CYRIB: variants seen among roughly 807,000 people sequenced by gnomAD.
The protein encoded by CYRIB is CYFIP-related Rac1 interactor B.
Under a neutral mutation model 44.2 loss-of-function variants are expected in CYRIB, and 8 were observed. That is an observed-to-expected ratio of 0.18 (90% CI 0.11 to 0.33). CYRIB has a LOEUF of 0.33. Ranked by LOEUF, CYRIB falls within the 10% of genes least tolerant of loss-of-function variation. The pLI is 1.00. For synonymous variants in CYRIB, 131 were observed against 127.2 expected, an observed-to-expected ratio of 1.03 and a Z score of -0.20; for missense variants, 185 against 382.8, an observed-to-expected ratio of 0.48 and a Z score of 4.31.
At chr8:129,862,909 A>C (rs2050726507) in intron 4 of CYRIB, among the ~76,000 whole-genome samples, 3 of 152,160 alleles carry the variant, frequency 2.0e-5, no homozygotes, top group Admixed American at 2.0e-4. Context: ...AACATAATAC[A>C]TTCTTAGTTA....
At chr8:129,876,393 T>C (rs752165511) in intron 3 of CYRIB, among the ~76,000 whole-genome samples, 89 of 152,118 alleles carry the variant, frequency 5.9e-4, no homozygotes, top group Non-Finnish European at 9.3e-4. Flanking sequence ...AACAAAATTA[T>C]GAGCTTTCGT....
At chr8:129,886,123 T>C (rs1015657424) in intron 2 of CYRIB, among the ~76,000 whole-genome samples, 5 of 152,186 alleles carry the variant, frequency 3.3e-5, no homozygotes. Context: ...ATAGCAAGAC[T>C]TGTCAAATGA....
At chr8:129,945,255 T>C (rs2094052710) in intron 2 of CYRIB, among the ~76,000 whole-genome samples, 1 of 152,246 alleles carries the variant, frequency 6.6e-6, no homozygotes, top group Non-Finnish European at 1.5e-5. Flanking sequence ...CATTTGTTCA[T>C]TCATGTGTTC....
chr8:129,856,177 A>G (rs537461782), intron 5 of CYRIB, among the ~76,000 whole-genome samples: 69 of 152,238 alleles, frequency 4.5e-4, no homozygotes, highest in Non-Finnish European at 8.2e-4. Flanking sequence ...CCTATGAATC[A>G]ATTACCAATT....
chr8:129,997,917 T>A (rs2096813607), intron 1 of CYRIB, among the ~76,000 whole-genome samples: 1 of 151,838 alleles, frequency 6.6e-6, no homozygotes, highest in Admixed American at 6.6e-5. Flanking sequence ...GGTCAAGAGA[T>A]CGAGACCATC....
At chr8:130,011,542 GCA>G (rs1300359037) in intron 1 of CYRIB, among the ~76,000 whole-genome samples, 5 of 151,744 alleles carry the variant, frequency 3.3e-5, no homozygotes, top group Non-Finnish European at 4.4e-5. Flanking sequence ...ATTAGGCTGG[GCA>G]TGGTGGCTCA....
chr8:129,928,396 A>G (rs1165403277), intron 1 of CYRIB, among the ~76,000 whole-genome samples: 1 of 152,036 alleles, frequency 6.6e-6, no homozygotes, highest in Non-Finnish European at 1.5e-5. Flanking sequence ...CACATAATGT[A>G]TCTGACAAAG....
chr8:130,012,187 G>A (rs1162865902), intron 1 of CYRIB, among the ~76,000 whole-genome samples: 2 of 151,956 alleles, frequency 1.3e-5, no homozygotes, highest in Non-Finnish European at 2.9e-5. Context: ...CAGCTAGTAA[G>A]TCCTCCAAAA....
intron 2 of CYRIB, among the ~76,000 whole-genome samples, chr8:129,949,737 G>A (rs925606590): frequency 6.6e-6 from 1 of 152,032 alleles, no homozygotes; most frequent in South Asian, 2.1e-4. Flanking sequence ...AATTAGCAGG[G>A]CGTGGTGGTG....
At chr8:129,909,185 C>T (rs1026872241) in intron 1 of CYRIB, among the ~76,000 whole-genome samples, 6 of 152,012 alleles carry the variant, frequency 3.9e-5, no homozygotes, top group South Asian at 2.1e-4. Flanking sequence ...TTAATTACCT[C>T]CAGGAAAAAG....
intron 1 of CYRIB, among the ~76,000 whole-genome samples, chr8:129,987,345 G>A (rs2096491992): frequency 1.3e-5 from 2 of 152,074 alleles, no homozygotes; most frequent in Admixed American, 1.3e-4. Flanking sequence ...ATGTTCTGCG[G>A]GTTAATGAGA....
chr8:129,910,516 G>A (rs1349673352), intron 1 of CYRIB, among the ~76,000 whole-genome samples: 1 of 146,740 alleles, frequency 6.8e-6, no homozygotes, highest in African/African-American at 2.5e-5. Context: ...AAGAGACAAG[G>A]GCCAGGTGCA....
intron 1 of CYRIB, among the ~76,000 whole-genome samples, chr8:130,005,024 C>T (rs1357958718): frequency 2.0e-5 from 3 of 152,168 alleles, no homozygotes; most frequent in African/African-American, 7.2e-5. Context: ...GCCTCAGCCT[C>T]CCAAAGTGCT....
At chr8:129,937,887 C>T (rs2093087709) in intron 1 of CYRIB, among the ~76,000 whole-genome samples, 1 of 151,088 alleles carries the variant, frequency 6.6e-6, no homozygotes, top group Non-Finnish European at 1.5e-5. Flanking sequence ...CACATTCTCT[C>T]TCTCTCTCTC....
At chr8:129,897,370 T>C (rs2068601749) in intron 2 of CYRIB, among the ~76,000 whole-genome samples, 1 of 152,048 alleles carries the variant, frequency 6.6e-6, no homozygotes, top group Non-Finnish European at 1.5e-5. Context: ...ATACAATCCT[T>C]GTATTAAACT....
At chr8:129,985,264 C>A (rs1193705828) in intron 1 of CYRIB, among the ~76,000 whole-genome samples, 1 of 152,194 alleles carries the variant, frequency 6.6e-6, no homozygotes, top group Admixed American at 6.6e-5. Flanking sequence ...GGGATGGGCA[C>A]CACAGCGGCT....
chr8:129,880,773 T>G (rs2060537713), intron 2 of CYRIB, among the ~76,000 whole-genome samples: 1 of 152,228 alleles, frequency 6.6e-6, no homozygotes, highest in Non-Finnish European at 1.5e-5. Flanking sequence ...GGCATATATT[T>G]CTCAATTTAA....
chr8:129,919,585 T>C (rs1269039273), intron 1 of CYRIB, among the ~76,000 whole-genome samples: 1 of 152,156 alleles, frequency 6.6e-6, no homozygotes, highest in Non-Finnish European at 1.5e-5. Flanking sequence ...TCATTATGTC[T>C]AGAGGAGAAT....
intron 1 of CYRIB, among the ~76,000 whole-genome samples, chr8:129,982,432 A>AT (rs11392939): frequency 0.028 from 4,246 of 152,320 alleles, 204 homozygotes; most frequent in African/African-American, 0.097. Flanking sequence ...AAATAGCCCC[A>AT]TGCGGCTAGT....
Sources: gnomAD v4.1 joint callset for allele counts (sites outside exome capture counted in the v4.1 genomes callset) on GRCh38, gnomAD v4.1.1 for gene constraint, MANE v1.5 for transcripts, NCBI Gene and HGNC (gene_info 2026-07-23, HGNC 2026-07-21) for gene names.